The following ADGRL3 variants were observed in gnomAD, a reference collection of about 807,000 sequenced individuals.
ADGRL3 encodes the protein adhesion G protein-coupled receptor L3.
Under a neutral mutation model 153.5 loss-of-function variants are expected in ADGRL3, and 62 were observed. The ratio of observed to expected loss-of-function variants is 0.40; its 90% CI spans 0.33 to 0.50. The LOEUF (loss-of-function observed/expected upper bound fraction) is 0.50, where lower values mean the gene tolerates loss of function less well. Among genes scored for constraint, ADGRL3 ranks in the 20% least tolerant of loss-of-function variants. The pLI is 0.47. For missense variants in ADGRL3, 1,641 were observed against 1,859.4 expected, an observed-to-expected ratio of 0.88 and a Z score of 2.16; for synonymous variants, 710 against 672.5, an observed-to-expected ratio of 1.06 and a Z score of -0.86.
intron 1 of ADGRL3, among the ~76,000 whole-genome samples, chr4:61,260,639 A>C (rs1311275331): frequency 6.6e-6 from 1 of 152,242 alleles, no homozygotes; most frequent in African/African-American, 2.4e-5. Context: ...ATGCATCAAT[A>C]CATAGAAATT....
intron 5 of ADGRL3, among the ~76,000 whole-genome samples, chr4:61,609,006 T>G (rs1013978184): frequency 6.6e-6 from 1 of 152,198 alleles, no homozygotes; most frequent in African/African-American, 2.4e-5. Flanking sequence ...ATTGTCTTTT[T>G]TTTCTTTACA....
chr4:61,820,273 G>C (rs1414778356), intron 9 of ADGRL3, among the ~76,000 whole-genome samples: 5 of 152,154 alleles, frequency 3.3e-5, no homozygotes. Context: ...TAAATCTAAT[G>C]TGTTCGTACA....
At chr4:61,583,194 C>T (rs889830525) in intron 4 of ADGRL3, among the ~76,000 whole-genome samples, 3 of 152,030 alleles carry the variant, frequency 2.0e-5, no homozygotes, top group East Asian at 3.9e-4. Flanking sequence ...AGTTAATAGC[C>T]TAGGGTTACC....
chr4:61,460,835 G>A (rs1335712314), intron 2 of ADGRL3, among the ~76,000 whole-genome samples: 2 of 152,102 alleles, frequency 1.3e-5, no homozygotes, highest in Non-Finnish European at 2.9e-5. Context: ...TTGGGAGGCC[G>A]AGGTGGGCAG....
At chr4:61,433,390 C>T (rs906601389) in intron 2 of ADGRL3, among the ~76,000 whole-genome samples, 1 of 151,554 alleles carries the variant, frequency 6.6e-6, no homozygotes, top group African/African-American at 2.4e-5. Flanking sequence ...CCACCTCTCT[C>T]CCTACTAAAG....
chr4:61,332,560 C>T (rs2150987576), intron 1 of ADGRL3, among the ~76,000 whole-genome samples: 1 of 152,216 alleles, frequency 6.6e-6, no homozygotes, highest in South Asian at 2.1e-4. Context: ...CCAGGACTGA[C>T]TCTGCTAACA....
chr4:61,532,651 T>C (rs1040672170), intron 4 of ADGRL3, among the ~76,000 whole-genome samples: 5 of 151,326 alleles, frequency 3.3e-5, no homozygotes, highest in Non-Finnish European at 7.4e-5. Flanking sequence ...GGATGATGCC[T>C]GTTAGATGAA....
chr4:62,049,236 G>T (rs9998041), intron 25 of ADGRL3, among the ~76,000 whole-genome samples: 30,618 of 151,958 alleles, frequency 0.2, 3,703 homozygotes, highest in South Asian at 0.41. Flanking sequence ...CAGCCCTGAA[G>T]TTATTGTAAA....
intron 11 of ADGRL3, among the ~76,000 whole-genome samples, chr4:61,908,662 G>A (rs1353843230): frequency 2.0e-5 from 3 of 151,030 alleles, no homozygotes; most frequent in Non-Finnish European, 4.4e-5. Flanking sequence ...GTGAAATAGA[G>A]ATGTTCATTA....
intron 9 of ADGRL3, among the ~76,000 whole-genome samples, chr4:61,855,653 C>T (rs1260807768): frequency 1.3e-5 from 2 of 151,990 alleles, no homozygotes; most frequent in African/African-American, 2.4e-5. Context: ...TATATGGAGA[C>T]CTTAATAACT....
chr4:61,456,508 T>G (rs370596273), intron 2 of ADGRL3, among the ~76,000 whole-genome samples: 30 of 141,460 alleles, frequency 2.1e-4, no homozygotes, highest in African/African-American at 7.5e-4. Flanking sequence ...TATCTATATA[T>G]ATATAACTAT....
chr4:61,703,845 G>C (rs2095810062), intron 6 of ADGRL3, among the ~76,000 whole-genome samples: 1 of 150,934 alleles, frequency 6.6e-6, no homozygotes, highest in Admixed American at 6.6e-5. Flanking sequence ...TTTTATTTTA[G>C]TCTTTTTTTT....
At chr4:61,309,296 C>A (rs1344085816) in intron 1 of ADGRL3, among the ~76,000 whole-genome samples, 1 of 152,038 alleles carries the variant, frequency 6.6e-6, no homozygotes, top group Non-Finnish European at 1.5e-5. Flanking sequence ...TGGTTCTCCC[C>A]CTGTTATACA....
chr4:61,207,819 A>G (rs186096558), intron 1 of ADGRL3, among the ~76,000 whole-genome samples: 38 of 152,264 alleles, frequency 2.5e-4, no homozygotes, highest in African/African-American at 8.2e-4. Flanking sequence ...TTAAGAGTAT[A>G]AAAGAGTCCT....
intron 2 of ADGRL3, among the ~76,000 whole-genome samples, chr4:61,478,952 C>G (rs1265908738): frequency 1.3e-5 from 2 of 152,008 alleles, no homozygotes; most frequent in African/African-American, 2.4e-5. Context: ...GAGTTTCTTT[C>G]TGTAATGTGG....
intron 2 of ADGRL3, among the ~76,000 whole-genome samples, chr4:61,445,003 G>C (rs1420478825): frequency 1.3e-5 from 2 of 151,742 alleles, no homozygotes; most frequent in African/African-American, 4.8e-5. Context: ...AGTGAACAAT[G>C]ATCATGTCAC....
rs1272548660 is a variant in ADGRL3, at chr4:62,056,015, A to C, written c.3814+11466A>C. ...ATTAATGAACTCCTACAAGGCTCCTAATAAAATTACGTTGAAACATTTTTT... is the reference window on the plus strand; with the variant it reads ...ATTAATGAACTCCTACAAGGCTCCTCATAAAATTACGTTGAAACATTTTTT... On this transcript the variant is annotated intron_variant, in intron 25 of 26. Transcript: ENST00000683033. Among the ~76,000 whole-genome samples, 3 of 151,686 alleles carry C rather than the reference A, an allele frequency of 2.0e-5. No homozygotes were observed. The East Asian group carries it at 5.8e-4, about 29-fold the overall frequency.
intron 19 of ADGRL3, among the ~76,000 whole-genome samples, chr4:61,987,652 C>T (rs1706204025): frequency 6.6e-6 from 1 of 152,066 alleles, no homozygotes; most frequent in African/African-American, 2.4e-5. Context: ...TGTAGTTAGC[C>T]AGAAATCAGA....
At chr4:61,566,964 A>C (rs1186793386) in intron 4 of ADGRL3, among the ~76,000 whole-genome samples, 1 of 152,196 alleles carries the variant, frequency 6.6e-6, no homozygotes, top group Non-Finnish European at 1.5e-5. Flanking sequence ...AGCTTTAAGA[A>C]CATTATTAAT....
Sources: gnomAD v4.1 joint callset for allele counts (sites outside exome capture counted in the v4.1 genomes callset) on GRCh38, gnomAD v4.1.1 for gene constraint, MANE v1.5 for transcripts, NCBI Gene and HGNC (gene_info 2026-07-23, HGNC 2026-07-21) for gene names.